Variants in CD80 observed in about 807,000 individuals in gnomAD.
The protein encoded by CD80 is CD80 molecule.
CD80 carries 13 observed loss-of-function variants against 27.1 expected under a neutral mutation model. The observed-to-expected ratio is 0.48, with a 90% CI of 0.31 to 0.76. The LOEUF (loss-of-function observed/expected upper bound fraction) is 0.76, where lower values mean the gene tolerates loss of function less well. CD80 is among the 30% of genes least tolerant of loss of function. The pLI is 0.04. For synonymous variants in CD80, 125 were observed against 125.5 expected (o/e 1.00, Z 0.03); for missense variants, 277 against 347.9 (o/e 0.80, Z 1.62).
chr3:119,546,967 G>A (rs78302282), intron 2 of CD80, among the ~76,000 whole-genome samples: 4,452 of 152,212 alleles, frequency 0.029, 127 homozygotes, highest in African/African-American at 0.074. Flanking sequence ...CTTCAGTGGC[G>A]TGGCACAGGA....
At chr3:119,527,584 G>A (rs1577105977) in intron 6 of CD80, 149 bp downstream of exon 6, 2 of 520,136 alleles carry the variant, frequency 3.8e-6, no homozygotes, top group East Asian at 6.0e-5. Flanking sequence ...AAAGGAGAGG[G>A]ATGCCAGCCA....
intron 2 of CD80, among the ~76,000 whole-genome samples, chr3:119,556,584 A>G (rs2082266128): frequency 6.6e-6 from 1 of 152,234 alleles, no homozygotes; most frequent in Non-Finnish European, 1.5e-5. Context: ...ACAATGTAAA[A>G]TAGCTCTGGA....
intron 4 of CD80, among the ~76,000 whole-genome samples, chr3:119,531,956 G>A (rs780840286): frequency 3.9e-5 from 6 of 152,230 alleles, no homozygotes; most frequent in African/African-American, 7.2e-5. Flanking sequence ...GAGCCACTGC[G>A]CCTGGCCTAG....
intron 3 of CD80, among the ~76,000 whole-genome samples, chr3:119,543,893 T>C (rs1268221471): frequency 4.0e-5 from 6 of 148,602 alleles, no homozygotes; most frequent in Non-Finnish European, 7.5e-5. Flanking sequence ...TGTTCTTTTT[T>C]TTTTTTTTTT....
At position 119,557,817 on chromosome 3, in the gene CD80, C is replaced by A; in HGVS notation, c.-89G>T. On this transcript the variant is annotated 5_prime_UTR_variant, in exon 2 of 7. Coordinates refer to ENST00000264246, the MANE Select transcript of CD80 (RefSeq NM_005191.4). ...CTTCCCAGGTGCAAAACAGGCAGGG[C>A]TGATGACAATCCAATTGCTCACGTA... 2 of 748,726 alleles carry A rather than the reference C, an allele frequency of 2.7e-6. No homozygotes were observed. Among genetic ancestry groups the A allele is most frequent in the South Asian group, 2.0e-5 (1 of 50,014 alleles). 46.4% of individuals were successfully genotyped at this position (748,726 alleles called of 1,614,324 possible).
rs114580673 is a variant in CD80, at chr3:119,534,034, T to C, written c.700+3103A>G. Among the ~76,000 whole-genome samples the C allele has an allele frequency of 7.9e-3, 1,197 of 152,234 alleles. 11 individuals are homozygous for C. The highest frequency in any genetic ancestry group is 0.027 in the African/African-American group (1,134 of 41,542). ...AGACAAAAACCTTAAGTTAGCAAAC[T>C]ATAGCACATGGGCCAAACCTGTCCT... On this transcript the variant is annotated intron_variant, in intron 4 of 6. Coordinates refer to ENST00000264246, the MANE Select transcript of CD80 (RefSeq NM_005191.4).
intron 2 of CD80, among the ~76,000 whole-genome samples, chr3:119,555,557 G>A (rs536691460): frequency 2.6e-5 from 4 of 152,312 alleles, no homozygotes; most frequent in Middle Eastern, 3.4e-3. Flanking sequence ...TGCAGGGTCC[G>A]GTTCTTGCTC....
intron 4 of CD80, among the ~76,000 whole-genome samples, chr3:119,534,228 C>T (rs2082124223): frequency 1.3e-5 from 2 of 151,790 alleles, no homozygotes; most frequent in South Asian, 4.2e-4. Context: ...ATAAATTAGC[C>T]AGTTGTGGAG....
chr3:119,558,864 T>C (rs1337314213), intron 1 of CD80, among the ~76,000 whole-genome samples: 1 of 151,992 alleles, frequency 6.6e-6, no homozygotes, highest in East Asian at 1.9e-4. Flanking sequence ...AAATAAACAC[T>C]GTGCTCCACT....
chr3:119,528,451 G>C (rs2082090635), intron 5 of CD80, among the ~76,000 whole-genome samples: 1 of 152,170 alleles, frequency 6.6e-6, no homozygotes, highest in Non-Finnish European at 1.5e-5. Flanking sequence ...CATAGAACTA[G>C]CAGTTCCTCT....
chr3:119,530,352 T>G (rs1170710202), intron 4 of CD80, among the ~76,000 whole-genome samples: 1 of 152,168 alleles, frequency 6.6e-6, no homozygotes, highest in African/African-American at 2.4e-5. Flanking sequence ...TCCTACCATA[T>G]TCTCTCTCAA....
chr3:119,546,627 T>G (rs1327817904), intron 2 of CD80, among the ~76,000 whole-genome samples: 1 of 152,214 alleles, frequency 6.6e-6, no homozygotes. Context: ...TCATTATTCA[T>G]GAATTCTCAC....
At chr3:119,532,809 C>A (rs1238764272) in intron 4 of CD80, among the ~76,000 whole-genome samples, 1 of 152,182 alleles carries the variant, frequency 6.6e-6, no homozygotes, top group Non-Finnish European at 1.5e-5. Context: ...CATCTCCCAC[C>A]TAGTAGCCTG....
rs1389017510 is a variant in CD80, at chr3:119,525,117, A to G, written c.*671T>C. 6.6e-6 allele frequency: 1 copy of G among 152,244 alleles called. No homozygotes were observed. Among genetic ancestry groups the G allele is most frequent in the Non-Finnish European group, 1.5e-5 (1 of 68,046 alleles). The allele number at this position is 152,244 out of a possible 1,614,324, so 9.4% of individuals were successfully genotyped here. A position where few individuals can be genotyped will look rare whatever the true frequency, so the allele number is the denominator to read the frequency against. On this transcript the variant is annotated 3_prime_UTR_variant, in exon 7 of 7. Transcript: ENST00000264246. ...ACATGTCAGAGGAAATTAGTTTTGG[A>G]TAGTTCTCCTTTCTGCTGTACCTCA... is the stretch of plus-strand genomic sequence containing the variant.
At chr3:119,543,397 C>CTT (rs35045571) in intron 3 of CD80, among the ~76,000 whole-genome samples, 54 of 143,772 alleles carry the variant, frequency 3.8e-4, no homozygotes, top group African/African-American at 1.0e-3. Flanking sequence ...AATTCTCTAA[C>CTT]TTTTTTTTTT....
intron 4 of CD80, among the ~76,000 whole-genome samples, chr3:119,534,715 T>C (rs2082127520): frequency 6.6e-6 from 1 of 152,200 alleles, no homozygotes; most frequent in African/African-American, 2.4e-5. Flanking sequence ...AATAATGCTA[T>C]AACAAGAAAG....
chr3:119,545,943 T>C (rs1427254991), intron 2 of CD80, among the ~76,000 whole-genome samples: 1 of 152,230 alleles, frequency 6.6e-6, no homozygotes, highest in Non-Finnish European at 1.5e-5. Context: ...GTGTTTTCTA[T>C]AGCAGTTGCA....
intron 4 of CD80, among the ~76,000 whole-genome samples, chr3:119,535,557 T>C (rs1286240614): frequency 6.6e-6 from 1 of 152,190 alleles, no homozygotes; most frequent in Non-Finnish European, 1.5e-5. Flanking sequence ...CTAAGATGTA[T>C]ATATTCATAT....
In CD80 at chr3:119,537,421, A is replaced by G. The variant is rs754540057; in HGVS notation, c.419-3T>C. 2 of 1,577,254 alleles carry G rather than the reference A, an allele frequency of 1.3e-6. No individual in the cohort carries two copies. The highest frequency in any genetic ancestry group is 1.1e-5 in the South Asian group (1 of 90,186). On this transcript the variant is annotated splice_polypyrimidine_tract_variant and splice_region_variant and intron_variant, in intron 3 of 6. Coordinates refer to ENST00000264246, the MANE Select transcript of CD80 (RefSeq NM_005191.4). Reference sequence around the variant, plus strand: ...TATACTAGGTGTAGGGAAGTCAGCTAAAGAAAGAACAAGAATATATAATTA... The same window carrying G: ...TATACTAGGTGTAGGGAAGTCAGCTGAAGAAAGAACAAGAATATATAATTA...
Sources: allele counts gnomAD v4.1 joint callset (sites outside exome capture counted in the v4.1 genomes callset), GRCh38; gene constraint gnomAD v4.1.1; transcripts MANE v1.5; gene names NCBI Gene and HGNC (gene_info 2026-07-23, HGNC 2026-07-21).